HAPLN1: variants seen among roughly 807,000 people sequenced by gnomAD.
HAPLN1 encodes hyaluronan and proteoglycan link protein 1.
Under a neutral mutation model 36.5 loss-of-function variants are expected in HAPLN1, and 13 were observed. The observed-to-expected ratio is 0.36, with a 90% CI of 0.23 to 0.57. HAPLN1 has a LOEUF of 0.57. Ranked by LOEUF, HAPLN1 falls within the 20% of genes least tolerant of loss-of-function variation. The pLI, the probability that HAPLN1 is intolerant of heterozygous loss-of-function variation, is 0.83. For synonymous variants in HAPLN1, 202 were observed against 169.8 expected, an observed-to-expected ratio of 1.19 and a Z score of -1.48; for missense variants, 407 against 439.7, an observed-to-expected ratio of 0.93 and a Z score of 0.66.
At chr5:83,671,369 T>C (rs1187799265) in intron 2 of HAPLN1, among the ~76,000 whole-genome samples, 1 of 152,246 alleles carries the variant, frequency 6.6e-6, no homozygotes, top group Non-Finnish European at 1.5e-5. Flanking sequence ...GAGATTGAGA[T>C]AGCTAATTTA....
chr5:83,649,201 C>A (rs1749973446), intron 3 of HAPLN1, among the ~76,000 whole-genome samples: 1 of 152,016 alleles, frequency 6.6e-6, no homozygotes, highest in Non-Finnish European at 1.5e-5. Flanking sequence ...TACACTATTC[C>A]TTTTACTTTT....
intron 2 of HAPLN1, among the ~76,000 whole-genome samples, chr5:83,669,199 T>A (rs1022691861): frequency 6.6e-6 from 1 of 152,182 alleles, no homozygotes; most frequent in African/African-American, 2.4e-5. Flanking sequence ...AATGGTCAGA[T>A]AATATTTAAT....
chr5:83,667,704 A>G lies in HAPLN1; in HGVS notation c.100+5720T>C, dbSNP rs1561309247. Among the ~76,000 whole-genome samples, 7 of 152,194 alleles carry G rather than the reference A, an allele frequency of 4.6e-5. No individual in the cohort carries two copies. In the South Asian group the frequency reaches 1.4e-3, roughly 31 times the overall value. On this transcript the variant is annotated intron_variant, in intron 2 of 4. Coordinates refer to ENST00000274341, the MANE Select transcript of HAPLN1 (RefSeq NM_001884.4). ...CTCCCATTAAACTTTGGCTCTATAG[A>G]TGGTTTGTGATCATACATTATTAGA...
chr5:83,683,197 A>G (rs1751046654), intron 1 of HAPLN1, among the ~76,000 whole-genome samples: 1 of 152,164 alleles, frequency 6.6e-6, no homozygotes, highest in South Asian at 2.1e-4. Flanking sequence ...ACATTGTTCT[A>G]AATACTACAA....
At chr5:83,661,438 T>C (rs1049129171) in intron 2 of HAPLN1, among the ~76,000 whole-genome samples, 12 of 81,726 alleles carry the variant, frequency 1.5e-4, no homozygotes, top group African/African-American at 4.6e-4. Flanking sequence ...AAAGCTTCTT[T>C]TTTTTTTTTT....
At chr5:83,696,418 A>G (rs1461198608) in intron 1 of HAPLN1, among the ~76,000 whole-genome samples, 1 of 152,152 alleles carries the variant, frequency 6.6e-6, no homozygotes, top group Non-Finnish European at 1.5e-5. Context: ...ATTCATATGT[A>G]AATGTAAATT....
At position 83,641,610 on chromosome 5, in the gene HAPLN1, G is replaced by T. The variant is rs781613507; in HGVS notation, c.951C>A (p.Pro317=). The T allele has an allele frequency of 1.2e-6, 2 of 1,614,174 alleles. No homozygotes were observed. Among genetic ancestry groups the T allele is most frequent in the South Asian group, 2.2e-5 (2 of 91,074 alleles). Residue 317 remains proline (P), a synonymous_variant, in exon 5 of 5, where the codon CCC becomes CCA. Transcript: ENST00000274341. The part of the protein sequence containing the change: ...GWLADGSVRY[P]ISRPRRRCSP... ...TGCAGCGCCTTCTTGGCCTAGAGAT[G>T]GGGTAGCGGACGCTGCCATCCGCCA...
At chr5:83,664,622 A>G (rs919445305) in intron 2 of HAPLN1, among the ~76,000 whole-genome samples, 2 of 152,098 alleles carry the variant, frequency 1.3e-5, no homozygotes, top group Admixed American at 6.6e-5. Context: ...ACCTCAAATG[A>G]TCTGCTCCCC....
chr5:83,652,827 A>G lies in HAPLN1; in HGVS notation c.101-3T>C. ...AAGTAGATGGGGGCCATTTTCTGCTATAATTAAAAAGGAAAAAAAAAAGAA... is the reference window on the plus strand; with the variant it reads ...AAGTAGATGGGGGCCATTTTCTGCTGTAATTAAAAAGGAAAAAAAAAAGAA... On this transcript the variant is annotated splice_region_variant and splice_polypyrimidine_tract_variant and intron_variant, in intron 2 of 4. Coordinates refer to ENST00000274341, the MANE Select transcript of HAPLN1 (RefSeq NM_001884.4). The G allele has an allele frequency of 6.4e-7, 1 of 1,560,430 alleles. No homozygotes were observed. Among genetic ancestry groups the G allele is most frequent in the Non-Finnish European group, 8.6e-7 (1 of 1,156,748 alleles).
intron 1 of HAPLN1, among the ~76,000 whole-genome samples, chr5:83,711,676 C>T (rs534375732): frequency 6.6e-6 from 1 of 152,150 alleles, no homozygotes; most frequent in African/African-American, 2.4e-5. Flanking sequence ...ATGTAAGTGA[C>T]CAGTTTCCTT....
intron 3 of HAPLN1, among the ~76,000 whole-genome samples, chr5:83,650,266 A>G (rs896773229): frequency 6.6e-6 from 1 of 152,222 alleles, no homozygotes; most frequent in Non-Finnish European, 1.5e-5. Context: ...TATCTTAGAA[A>G]AGGTGTTTGT....
chr5:83,718,082 G>A (rs1751952630), intron 1 of HAPLN1, among the ~76,000 whole-genome samples: 1 of 152,144 alleles, frequency 6.6e-6, no homozygotes, highest in Admixed American at 6.5e-5. Context: ...ACAATTCCAT[G>A]ACCTGTCTGT....
intron 2 of HAPLN1, among the ~76,000 whole-genome samples, chr5:83,664,420 T>G (rs1487223207): frequency 6.6e-6 from 1 of 152,190 alleles, no homozygotes; most frequent in East Asian, 1.9e-4. Context: ...TCTCACTCTA[T>G]CACCCAGGCT....
chr5:83,653,355 C>A (rs1464884899), intron 2 of HAPLN1, among the ~76,000 whole-genome samples: 1 of 152,120 alleles, frequency 6.6e-6, no homozygotes, highest in Non-Finnish European at 1.5e-5. Context: ...CTCAGAATAT[C>A]CTCACATTTA....
chr5:83,704,691 C>T (rs1456182155), intron 1 of HAPLN1, among the ~76,000 whole-genome samples: 3 of 152,140 alleles, frequency 2.0e-5, no homozygotes, highest in South Asian at 4.1e-4. Flanking sequence ...GTTCAATTCA[C>T]CAAGAAGATC....
chr5:83,700,232 C>CACA (rs1751477355), intron 1 of HAPLN1, among the ~76,000 whole-genome samples: 1 of 150,838 alleles, frequency 6.6e-6, no homozygotes, highest in South Asian at 2.1e-4. Context: ...CCACCACCAC[C>CACA]ACAACAAAAA....
intron 1 of HAPLN1, among the ~76,000 whole-genome samples, chr5:83,713,807 G>T (rs1242454209): frequency 2.6e-5 from 4 of 152,168 alleles, no homozygotes; most frequent in Non-Finnish European, 5.9e-5. Context: ...TCCAGTCAAT[G>T]CATCCCATTC....
chr5:83,683,583 C>G (rs1181816439), intron 1 of HAPLN1, among the ~76,000 whole-genome samples: 2 of 152,086 alleles, frequency 1.3e-5, no homozygotes, highest in African/African-American at 4.8e-5. Context: ...TCTCTTATAC[C>G]TCGTTAACTT....
intron 1 of HAPLN1, chr5:83,674,489 A>G (rs1027260600): frequency 1.3e-5 from 2 of 152,180 alleles, no homozygotes; most frequent in African/African-American, 2.4e-5. Flanking sequence ...AAAGTTTGTC[A>G]TTGGAAGAAC....
Sources: gnomAD v4.1 joint callset for allele counts (sites outside exome capture counted in the v4.1 genomes callset) on GRCh38, gnomAD v4.1.1 for gene constraint, MANE v1.5 for transcripts, NCBI Gene and HGNC (gene_info 2026-07-23, HGNC 2026-07-21) for gene names.